Variants in CACNA1D observed in about 807,000 individuals in gnomAD.
CACNA1D encodes the protein calcium voltage-gated channel subunit alpha1 D, also known as voltage-dependent L-type calcium channel subunit alpha-1D.
CACNA1D carries 55 observed loss-of-function variants against 257.1 expected under a neutral mutation model. The observed-to-expected ratio is 0.21, with a 90% CI of 0.17 to 0.27. CACNA1D has a LOEUF of 0.27. Among genes scored for constraint, CACNA1D ranks in the 10% least tolerant of loss-of-function variants. The probability of loss-of-function intolerance (pLI) is 1.00; values close to 1 mark genes in which losing one functional copy is unlikely to be tolerated. For synonymous variants in CACNA1D, 980 were observed against 1,014.9 expected (o/e 0.97, Z 0.65); for missense variants, 1,876 against 2,784.0 (o/e 0.67, Z 7.34).
At chr3:53,788,011 C>T (rs1036901509) in intron 40 of CACNA1D, among the ~76,000 whole-genome samples, 8 of 152,110 alleles carry the variant, frequency 5.3e-5, no homozygotes, top group African/African-American at 1.9e-4. Flanking sequence ...TGGAAGAGTC[C>T]TTCACTCTTA....
At chr3:53,639,650 T>A (rs1163626434) in intron 3 of CACNA1D, among the ~76,000 whole-genome samples, 1 of 152,004 alleles carries the variant, frequency 6.6e-6, no homozygotes, top group African/African-American at 2.4e-5. Context: ...CCTCCCAAAG[T>A]GCTGGGATTA....
Position 53,805,128 on chromosome 3 carries a change from C to T in CACNA1D, c.5731C>T (p.Leu1911=). ...ACGGAGATCTCCAAGGAGACGCCTA[C>T]TACCTCCCACCCCAGCATGTGAGGC... The part of the protein sequence containing the change: ...DSRRSPRRRL[L]PPTPASHRRS... The change falls in exon 45 of 48, where the codon CTA becomes TTA. Residue 1911 remains leucine, a synonymous_variant. Coordinates refer to ENST00000350061, the MANE Select transcript of CACNA1D (RefSeq NM_001128840.3). 1 of 1,613,976 alleles carries T rather than the reference C, an allele frequency of 6.2e-7. No homozygotes were observed. The highest frequency in any genetic ancestry group is 8.5e-7 in the Non-Finnish European group (1 of 1,180,026).
intron 3 of CACNA1D, among the ~76,000 whole-genome samples, chr3:53,595,630 G>C (rs994476537): frequency 1.3e-5 from 2 of 152,138 alleles, no homozygotes; most frequent in Non-Finnish European, 2.9e-5. Context: ...CTGGGCCCCT[G>C]CCTGACTCTT....
chr3:53,694,950 C>T (rs1358514278), intron 8 of CACNA1D, among the ~76,000 whole-genome samples: 1 of 152,130 alleles, frequency 6.6e-6, no homozygotes, highest in East Asian at 1.9e-4. Context: ...TTTGTCTATT[C>T]CATCTAAAGG....
intron 3 of CACNA1D, among the ~76,000 whole-genome samples, chr3:53,645,482 C>T (rs1485698809): frequency 6.6e-6 from 1 of 152,050 alleles, no homozygotes; most frequent in Admixed American, 6.6e-5. Flanking sequence ...CCATTTTGAG[C>T]TGATTTTTGT....
chr3:53,807,017 T>A (rs1164909472), intron 45 of CACNA1D, among the ~76,000 whole-genome samples: 1 of 151,838 alleles, frequency 6.6e-6, no homozygotes, highest in Non-Finnish European at 1.5e-5. Flanking sequence ...TCTTGATTCA[T>A]AAGGTGGTTT....
chr3:53,603,630 A>G (rs1436603726), intron 3 of CACNA1D, among the ~76,000 whole-genome samples: 1 of 152,198 alleles, frequency 6.6e-6, no homozygotes, highest in Non-Finnish European at 1.5e-5. Flanking sequence ...AAAATGGAAT[A>G]TTGTGTTGGA....
At chr3:53,522,344 C>A in intron 3 of CACNA1D, among the ~76,000 whole-genome samples, 1 of 152,180 alleles carries the variant, frequency 6.6e-6, no homozygotes, top group East Asian at 1.9e-4. Context: ...GCTCAGGCTT[C>A]TTCTTTATGT....
intron 3 of CACNA1D, among the ~76,000 whole-genome samples, chr3:53,574,752 C>T (rs2093006928): frequency 6.6e-6 from 1 of 151,858 alleles, no homozygotes; most frequent in Admixed American, 6.6e-5. Context: ...CACTCATATG[C>T]ACTAATTACA....
At chr3:53,676,040 C>G (rs1267621476) in intron 8 of CACNA1D, among the ~76,000 whole-genome samples, 1 of 152,196 alleles carries the variant, frequency 6.6e-6, no homozygotes, top group Admixed American at 6.5e-5. Flanking sequence ...CTGTAGAGTG[C>G]CCGGCTCTGG....
chr3:53,713,102 G>A (rs2094777828), intron 9 of CACNA1D, among the ~76,000 whole-genome samples: 1 of 152,184 alleles, frequency 6.6e-6, no homozygotes, highest in African/African-American at 2.4e-5. Flanking sequence ...CCTCCTGAGG[G>A]TGGTGGGCAG....
chr3:53,658,192 CTTTT>C (rs113734297), intron 4 of CACNA1D, among the ~76,000 whole-genome samples: 5 of 145,628 alleles, frequency 3.4e-5, no homozygotes. Context: ...GCCCGTGGCA[CTTTT>C]TTTTTTTTTG....
At chr3:53,637,730 C>T (rs1490398231) in intron 3 of CACNA1D, among the ~76,000 whole-genome samples, 2 of 152,156 alleles carry the variant, frequency 1.3e-5, no homozygotes, top group Non-Finnish European at 2.9e-5. Flanking sequence ...ACATGGGTTT[C>T]TTAGATACTC....
intron 9 of CACNA1D, among the ~76,000 whole-genome samples, chr3:53,715,017 C>A (rs1314889245): frequency 6.6e-6 from 1 of 152,132 alleles, no homozygotes; most frequent in Non-Finnish European, 1.5e-5. Flanking sequence ...TGAGCCTGAT[C>A]TTTTCAAATA....
chr3:53,714,477 C>T lies in CACNA1D; in HGVS notation c.1391-3824C>T, dbSNP rs368713622. 7.7e-4 allele frequency among the ~76,000 whole-genome samples: 118 copies of T among 152,290 alleles called. 1 individual carries two copies. Among genetic ancestry groups the T allele is most frequent in the African/African-American group, 2.7e-3 (114 of 41,550 alleles). ...TTCTGTCTGGATTTTTATAAAAGCC[C>T]AGTCGTCACCATTGCAGCCTGATTT... On this transcript the variant is annotated intron_variant, in intron 9 of 47. Coordinates refer to ENST00000350061, the MANE Select transcript of CACNA1D (RefSeq NM_001128840.3).
At chr3:53,614,786 C>A (rs1171483118) in intron 3 of CACNA1D, among the ~76,000 whole-genome samples, 1 of 152,192 alleles carries the variant, frequency 6.6e-6, no homozygotes, top group Non-Finnish European at 1.5e-5. Context: ...CAAGATGCAG[C>A]TAACTTGGTT....
rs2094456785 is a variant in CACNA1D, at chr3:53,684,407, A to G, written c.1220+11281A>G. On this transcript the variant is annotated intron_variant, in intron 8 of 47. Coordinates refer to ENST00000350061, the MANE Select transcript of CACNA1D (RefSeq NM_001128840.3). ...GAGGCTGAGGCAGGCAGATCACCTG[A>G]GGTGGGGAGTTTGAGACTAGCCTGA... Among the ~76,000 whole-genome samples, 2 of 152,150 alleles carry G rather than the reference A, an allele frequency of 1.3e-5. 1 individual carries two copies. The highest frequency in any genetic ancestry group is 4.1e-4 in the South Asian group (2 of 4,832).
At chr3:53,710,113 G>C (rs1432047925) in intron 9 of CACNA1D, among the ~76,000 whole-genome samples, 2 of 152,188 alleles carry the variant, frequency 1.3e-5, no homozygotes, top group Non-Finnish European at 2.9e-5. Context: ...CTACTTAGAT[G>C]GGAAGCCAAA....
chr3:53,565,297 A>T (rs181361524), intron 3 of CACNA1D, among the ~76,000 whole-genome samples: 4 of 152,262 alleles, frequency 2.6e-5, no homozygotes, highest in African/African-American at 9.6e-5. Flanking sequence ...CCTACTCTTT[A>T]AAAGCAAGAT....
Sources: gnomAD v4.1 joint callset for allele counts (sites outside exome capture counted in the v4.1 genomes callset) on GRCh38, gnomAD v4.1.1 for gene constraint, MANE v1.5 for transcripts, NCBI Gene and HGNC (gene_info 2026-07-23, HGNC 2026-07-21) for gene names.